The following CADM2 variants were observed in gnomAD, a reference collection of about 807,000 sequenced individuals.
The protein encoded by CADM2 is cell adhesion molecule 2.
Under a neutral mutation model 49.8 loss-of-function variants are expected in CADM2, and 12 were observed. The observed-to-expected ratio is 0.24, with a 90% CI of 0.15 to 0.39. CADM2 has a LOEUF of 0.39. CADM2 is among the 10% of genes least tolerant of loss of function. CADM2 has a pLI of 1.00. For synonymous variants in CADM2, 214 were observed against 175.4 expected, an observed-to-expected ratio of 1.22 and a Z score of -1.74; for missense variants, 378 against 492.3, an observed-to-expected ratio of 0.77 and a Z score of 2.20.
chr3:85,808,219 A>G (rs1316091145), intron 3 of CADM2, among the ~76,000 whole-genome samples: 3 of 152,234 alleles, frequency 2.0e-5, no homozygotes, highest in Non-Finnish European at 4.4e-5. Flanking sequence ...ATAAGAATCA[A>G]GAGGAAAATT....
At chr3:85,051,913 T>A (rs1042587799) in intron 1 of CADM2, among the ~76,000 whole-genome samples, 8 of 151,994 alleles carry the variant, frequency 5.3e-5, no homozygotes, top group African/African-American at 1.9e-4. Flanking sequence ...AATGAAGGGA[T>A]TTTTTAAATT....
chr3:85,689,011 T>A (rs1559594013), intron 1 of CADM2, among the ~76,000 whole-genome samples: 1 of 152,186 alleles, frequency 6.6e-6, no homozygotes, highest in Non-Finnish European at 1.5e-5. Flanking sequence ...TTACTTTTAA[T>A]AGCCAAAAAC....
At chr3:85,356,012 A>G (rs1159654725) in intron 1 of CADM2, among the ~76,000 whole-genome samples, 1 of 152,120 alleles carries the variant, frequency 6.6e-6, no homozygotes, top group Non-Finnish European at 1.5e-5. Flanking sequence ...ATTTTAAATA[A>G]TGTTTTGAAT....
intron 3 of CADM2, among the ~76,000 whole-genome samples, chr3:85,864,317 A>T (rs1440627466): frequency 1.3e-5 from 2 of 152,228 alleles, no homozygotes; most frequent in Non-Finnish European, 2.9e-5. Context: ...GGAATGAATT[A>T]CTTTTTATTT....
At chr3:85,460,966 G>A (rs1406713625) in intron 1 of CADM2, among the ~76,000 whole-genome samples, 2 of 152,236 alleles carry the variant, frequency 1.3e-5, no homozygotes, top group Non-Finnish European at 2.9e-5. Context: ...GGGAAGGAAC[G>A]AAGAGGGAAA....
chr3:85,160,330 G>A (rs1368186322), intron 1 of CADM2, among the ~76,000 whole-genome samples: 1 of 151,794 alleles, frequency 6.6e-6, no homozygotes, highest in Admixed American at 6.6e-5. Context: ...CAATCTCTCT[G>A]TAATTCATTA....
intron 8 of CADM2, among the ~76,000 whole-genome samples, chr3:86,020,867 C>G (rs9754909): frequency 6.6e-6 from 1 of 151,838 alleles, no homozygotes; most frequent in Non-Finnish European, 1.5e-5. Flanking sequence ...TATGACAAAC[C>G]CACAGCCAAT....
At chr3:85,486,121 A>G (rs2039404179) in intron 1 of CADM2, among the ~76,000 whole-genome samples, 1 of 152,098 alleles carries the variant, frequency 6.6e-6, no homozygotes, top group African/African-American at 2.4e-5. Context: ...TACAATTTAC[A>G]ATCTTTTATA....
chr3:84,968,975 C>T (rs774539130), intron 1 of CADM2, among the ~76,000 whole-genome samples: 7 of 151,954 alleles, frequency 4.6e-5, no homozygotes, highest in Non-Finnish European at 8.8e-5. Flanking sequence ...TATAGAGAGA[C>T]GCTGAACTCA....
rs1245668834 is a variant in CADM2 at position 85,154,909 on chromosome 3, C to T, written c.61+195241C>T. On this transcript the variant is annotated intron_variant, in intron 1 of 9. Coordinates refer to ENST00000383699, the MANE Select transcript of CADM2 (RefSeq NM_001167675.2). ...AATGCTGAGAGATTTTGTCACCACC[C>T]GGCCTGCCCTAAAAGAGCTCCTGAA... is the stretch of plus-strand genomic sequence containing the variant. Among the ~76,000 whole-genome samples, 588 of 151,496 alleles carry T rather than the reference C, an allele frequency of 3.9e-3. 1 individual carries two copies. The highest frequency in any genetic ancestry group is 0.01 in the Middle Eastern group (3 of 294).
chr3:85,238,890 A>G (rs1244031554), intron 1 of CADM2, among the ~76,000 whole-genome samples: 1 of 151,580 alleles, frequency 6.6e-6, no homozygotes, highest in African/African-American at 2.4e-5. Flanking sequence ...GAAATATTAA[A>G]CTTTTTTTTT....
chr3:85,974,443 G>C lies in CADM2; in HGVS notation c.970+12796G>C, dbSNP rs371912644. On this transcript the variant is annotated intron_variant, in intron 8 of 9. Coordinates refer to ENST00000383699, the MANE Select transcript of CADM2 (RefSeq NM_001167675.2). ...AAAATTAATAAAACAAGCCAGACAT[G>C]TATCCTATGAGGAACTCTAGCCCCT... Among the ~76,000 whole-genome samples the C allele has an allele frequency of 2.1e-4, 32 of 151,754 alleles. No individual in the cohort carries two copies. In the East Asian group the frequency reaches 6.1e-3, roughly 29 times the overall value.
intron 1 of CADM2, among the ~76,000 whole-genome samples, chr3:85,503,866 C>T (rs998904347): frequency 1.4e-4 from 21 of 152,184 alleles, no homozygotes; most frequent in Non-Finnish European, 1.0e-4. Context: ...TTCTGCATTT[C>T]ATTAATTCTC....
intron 8 of CADM2, among the ~76,000 whole-genome samples, chr3:86,003,587 A>G (rs1041270799): frequency 2.6e-5 from 4 of 152,234 alleles, no homozygotes; most frequent in Non-Finnish European, 4.4e-5. Context: ...TATATATGGA[A>G]TAATCTCAAA....
chr3:85,562,820 C>T (rs1192393216), intron 1 of CADM2, among the ~76,000 whole-genome samples: 1 of 152,084 alleles, frequency 6.6e-6, no homozygotes, highest in Non-Finnish European at 1.5e-5. Context: ...GATTTGTCCA[C>T]TTGTAAATAT....
chr3:85,318,870 G>A (rs11127884), intron 1 of CADM2, among the ~76,000 whole-genome samples: 1 of 152,012 alleles, frequency 6.6e-6, no homozygotes, highest in Admixed American at 6.6e-5. Context: ...TTCTAATAAT[G>A]TGATATGATT....
chr3:86,038,568 A>T (rs574925696), intron 8 of CADM2, among the ~76,000 whole-genome samples: 1 of 152,286 alleles, frequency 6.6e-6, no homozygotes, highest in South Asian at 2.1e-4. Context: ...TTCCCCTCAC[A>T]GGCATGTGCA....
At chr3:85,887,882 T>G (rs1398553754) in intron 5 of CADM2, among the ~76,000 whole-genome samples, 2 of 152,172 alleles carry the variant, frequency 1.3e-5, no homozygotes, top group Non-Finnish European at 2.9e-5. Flanking sequence ...ATCCAGGCAC[T>G]TTTCTGGCTT....
At chr3:85,653,538 G>T (rs181311400) in intron 1 of CADM2, among the ~76,000 whole-genome samples, 47 of 151,946 alleles carry the variant, frequency 3.1e-4, no homozygotes, top group Non-Finnish European at 5.9e-4. Flanking sequence ...GGAGAAGACT[G>T]TAGGAGAAGC....
Sources: gnomAD v4.1 joint callset for allele counts (sites outside exome capture counted in the v4.1 genomes callset) on GRCh38, gnomAD v4.1.1 for gene constraint, MANE v1.5 for transcripts, NCBI Gene and HGNC (gene_info 2026-07-23, HGNC 2026-07-21) for gene names.